The following VAC14 variants were observed in gnomAD, a reference collection of about 807,000 sequenced individuals.
VAC14 encodes the protein VAC14 component of PIKFYVE complex.
In VAC14, 47 loss-of-function variants were observed where a neutral mutation model predicts 85.3. The ratio of observed to expected loss-of-function variants is 0.55; its 90% CI spans 0.44 to 0.70. VAC14 has a LOEUF of 0.70. Among genes scored for constraint, VAC14 ranks in the 30% least tolerant of loss-of-function variants. The probability of loss-of-function intolerance (pLI) is 0.00; values close to 1 mark genes in which losing one functional copy is unlikely to be tolerated. For synonymous variants in VAC14, 447 were observed against 430.5 expected (o/e 1.04, Z -0.47); for missense variants, 861 against 1,004.3 (o/e 0.86, Z 1.93).
At chr16:70,766,616 C>T (rs1271948570) in intron 10 of VAC14, 1 of 437,002 alleles carries the variant, frequency 2.3e-6, no homozygotes, top group Non-Finnish European at 4.6e-6. Context: ...GTACGGGACC[C>T]ATCTGAGACC....
intron 14 of VAC14, among the ~76,000 whole-genome samples, chr16:70,703,204 G>C (rs2053861974): frequency 1.3e-5 from 2 of 152,262 alleles, no homozygotes; most frequent in South Asian, 4.1e-4. Flanking sequence ...CAAGCGCAGT[G>C]TCAACAGTGG....
Position 70,762,815 on chromosome 16 carries a change from G to A in VAC14, c.1305+66C>T. On this transcript the variant is annotated intron_variant, in intron 11 of 18. Coordinates refer to ENST00000261776, the MANE Select transcript of VAC14 (RefSeq NM_018052.5). This position sits in a 1 kb window ranked among gnomAD's most constrained non-coding sequence, Gnocchi z 4.1. Reference sequence around the variant, plus strand: ...AATGACCAAAATGCTACCAACTATGGGCAGGCCCTGGAAAACCAAGGCGGA... The same window carrying A: ...AATGACCAAAATGCTACCAACTATGAGCAGGCCCTGGAAAACCAAGGCGGA... The A allele has an allele frequency of 6.2e-7, 1 of 1,608,586 alleles. No individual in the cohort carries two copies. The highest frequency in any genetic ancestry group is 8.5e-7 in the Non-Finnish European group (1 of 1,176,840).
chr16:70,688,414 C>T, intron 18 of VAC14: 1 of 1,019,492 alleles, frequency 9.8e-7, no homozygotes, highest in Non-Finnish European at 1.2e-6. Flanking sequence ...GGGTGAAAGC[C>T]AGGGCTAGCA....
rs373511817 is a variant in VAC14 at position 70,744,571 on chromosome 16, C to T, written c.1380G>A (p.Leu460=). 1.3e-6 allele frequency: 2 copies of T among 1,599,662 alleles called. No homozygotes were observed. Among genetic ancestry groups the T allele is most frequent in the African/African-American group, 1.3e-5 (1 of 74,598 alleles). The change falls in exon 13 of 19, where the codon CTG becomes CTA. Residue 460 remains leucine, a synonymous_variant. Transcript: ENST00000261776. ...TTTCTGCCAGCACCTCCAGGTCCTT[C>T]AGGATCACCTGGGGAGAGAAGCGGG... is the stretch of plus-strand genomic sequence containing the variant. ...TLSDESDEVI[L]KDLEVLAEIA...
At chr16:70,702,643 G>A (rs976774113) in intron 14 of VAC14, among the ~76,000 whole-genome samples, 14 of 152,344 alleles carry the variant, frequency 9.2e-5, no homozygotes, top group Non-Finnish European at 1.3e-4. Flanking sequence ...AGATCACTGC[G>A]TTGCAAAGCC....
At chr16:70,777,026 C>A (rs1264603216) in intron 9 of VAC14, among the ~76,000 whole-genome samples, 1 of 152,122 alleles carries the variant, frequency 6.6e-6, no homozygotes, top group East Asian at 1.9e-4. Flanking sequence ...CCAGGCTGGT[C>A]TCGAACTCCT....
rs117939756 is a variant in VAC14 at position 70,774,907 on chromosome 16, G to A, written c.1097-2735C>T. Among the ~76,000 whole-genome samples the A allele has an allele frequency of 7.8e-3, 1,186 of 151,764 alleles. 6 individuals carry two copies. The highest frequency in any genetic ancestry group is 0.012 in the Non-Finnish European group (794 of 67,900). On this transcript the variant is annotated intron_variant, in intron 9 of 18. Coordinates refer to ENST00000261776, the MANE Select transcript of VAC14 (RefSeq NM_018052.5). ...ATTACAGTGGCGCGCCACCATGCCCGGCTAATTTTTTTTTTTGTATTATTA... is the reference window on the plus strand; with the variant it reads ...ATTACAGTGGCGCGCCACCATGCCCAGCTAATTTTTTTTTTTGTATTATTA...
chr16:70,687,619 CTT>C lies in VAC14; in HGVS notation c.*307_*308del, dbSNP rs1394947725. 5 of 275,266 alleles carry C rather than the reference CTT, an allele frequency of 1.8e-5. No homozygotes were observed. Among genetic ancestry groups the C allele is most frequent in the Non-Finnish European group, 3.4e-5 (5 of 147,294 alleles). 17.1% of individuals were successfully genotyped at this position (275,266 alleles called of 1,614,324 possible). On this transcript the variant is annotated 3_prime_UTR_variant, in exon 19 of 19. Coordinates refer to ENST00000261776, the MANE Select transcript of VAC14 (RefSeq NM_018052.5). ...TAGTGTGCTGGAGGAGGGGCAAGCT[CTT>C]TTTCCAAGAGGGTATTAGAAAGAGG...
chr16:70,796,824 C>G (rs540092603), intron 1 of VAC14, among the ~76,000 whole-genome samples: 2 of 152,302 alleles, frequency 1.3e-5, no homozygotes, highest in East Asian at 3.9e-4. Context: ...TATTGAAGTT[C>G]TGATCCACAG....
rs1210326832 is a variant in VAC14 at position 70,692,674 on chromosome 16, G to A, written c.2186+147C>T. On this transcript the variant is annotated intron_variant, in intron 18 of 18. Transcript: ENST00000261776. The stretch of plus-strand genomic sequence containing the variant: ...GAGGCCAAGGGGCAAGTGGCTGCGG[G>A]GGGGATGGTGGTCACAGTGACAAAA... 2.8e-5 allele frequency: 30 copies of A among 1,087,616 alleles called. No homozygotes were observed. The South Asian group carries it at 4.3e-4, about 16-fold the overall frequency. 67.4% of individuals were successfully genotyped at this position (1,087,616 alleles called of 1,614,324 possible).
chr16:70,726,966 G>A (rs922350722), intron 14 of VAC14, among the ~76,000 whole-genome samples: 57 of 152,292 alleles, frequency 3.7e-4, no homozygotes, highest in Non-Finnish European at 3.5e-4. Flanking sequence ...TGGAGGTGCG[G>A]CCTGGGAAAG....
intron 14 of VAC14, among the ~76,000 whole-genome samples, chr16:70,710,666 G>A (rs1435885538): frequency 2.6e-5 from 4 of 152,238 alleles, no homozygotes; most frequent in African/African-American, 7.2e-5. Flanking sequence ...TACAGATGGT[G>A]AGCCTCCCCT....
At chr16:70,716,587 G>A (rs1221845802) in intron 14 of VAC14, 2 of 152,252 alleles carry the variant, frequency 1.3e-5, no homozygotes, top group Non-Finnish European at 2.9e-5. Flanking sequence ...TGGCCCATAA[G>A]GTCCCTCCTG....
At chr16:70,768,967 T>C (rs1345490774) in intron 10 of VAC14, 3 of 127,986 alleles carry the variant, frequency 2.3e-5, no homozygotes, top group South Asian at 1.6e-4. Flanking sequence ...CGCCTGGCTA[T>C]TTTTTTTTTT....
chr16:70,711,416 C>T (rs2142995757), intron 14 of VAC14, among the ~76,000 whole-genome samples: 1 of 152,252 alleles, frequency 6.6e-6, no homozygotes, highest in Middle Eastern at 3.4e-3. Context: ...CTTGAGGCCC[C>T]ACCCCCACCT....
chr16:70,730,442 C>T (rs1356068892), intron 14 of VAC14, among the ~76,000 whole-genome samples: 2 of 151,970 alleles, frequency 1.3e-5, no homozygotes, highest in African/African-American at 4.8e-5. Flanking sequence ...CTTGAAGCCC[C>T]ATACAGCCTA....
chr16:70,771,460 C>T (rs926068004), intron 10 of VAC14: 1 of 152,200 alleles, frequency 6.6e-6, no homozygotes, highest in South Asian at 2.1e-4. Context: ...GTCAAGGCAA[C>T]TGTGTCTCAC....
chr16:70,759,413 G>A (rs1197304875), intron 12 of VAC14, among the ~76,000 whole-genome samples: 2 of 152,132 alleles, frequency 1.3e-5, no homozygotes, highest in East Asian at 3.9e-4. Context: ...GATCACTTGA[G>A]GTCAGGAGTT....
intron 12 of VAC14, among the ~76,000 whole-genome samples, chr16:70,758,747 G>A (rs1229468085): frequency 6.6e-6 from 1 of 152,182 alleles, no homozygotes; most frequent in Admixed American, 6.5e-5. Context: ...CAGTGAGCAC[G>A]CACCCTGCAT....
Sources: allele counts gnomAD v4.1 joint callset (sites outside exome capture counted in the v4.1 genomes callset), GRCh38; gene constraint gnomAD v4.1.1; non-coding constraint Gnocchi (gnomAD v3.1); transcripts MANE v1.5; gene names NCBI Gene and HGNC (gene_info 2026-07-23, HGNC 2026-07-21).